Variants in LPCAT3 observed in about 807,000 individuals in gnomAD.
LPCAT3 encodes lysophosphatidylcholine acyltransferase 3.
In LPCAT3, 21 loss-of-function variants were observed where a neutral mutation model predicts 63.4. The observed-to-expected ratio is 0.33, with a 90% CI of 0.23 to 0.48. The LOEUF is 0.48. Ranked by LOEUF, LPCAT3 falls within the 20% of genes least tolerant of loss-of-function variation. LPCAT3 has a pLI of 0.99. For missense variants in LPCAT3, 451 were observed against 590.6 expected, an observed-to-expected ratio of 0.76 and a Z score of 2.45; for synonymous variants, 242 against 227.5, an observed-to-expected ratio of 1.06 and a Z score of -0.58.
chr12:6,977,977 C>CT lies in LPCAT3; in HGVS notation c.1041-233dup, dbSNP rs1452652670. 4 of 575,670 alleles carry CT rather than the reference C, an allele frequency of 6.9e-6. No individual in the cohort carries two copies. The Admixed American group carries it at 1.2e-4, about 18-fold the overall frequency. The allele number at this position is 575,670 out of a possible 1,614,324, so 35.7% of individuals were successfully genotyped here. On this transcript the variant is annotated intron_variant, in intron 9 of 12. Coordinates refer to ENST00000261407, the MANE Select transcript of LPCAT3 (RefSeq NM_005768.6). The surrounding 1 kb of genome is among the most constrained non-coding windows in gnomAD (Gnocchi z 4.5). ...GAGCCACTTGGTTCAGCAGCAGTGA[C>CT]TGAGGCTGATGCTGAGATCAGTGGT...
chr12:6,992,287 GCCC>G (rs1555155569), intron 1 of LPCAT3, among the ~76,000 whole-genome samples: 1 of 151,110 alleles, frequency 6.6e-6, no homozygotes, highest in Non-Finnish European at 1.5e-5. Flanking sequence ...GAGCTGTGAT[GCCC>G]CCACCGCACT....
intron 1 of LPCAT3, among the ~76,000 whole-genome samples, chr12:7,007,493 CTTT>C (rs1161030834): frequency 2.5e-5 from 3 of 121,670 alleles, no homozygotes; most frequent in Non-Finnish European, 1.7e-5. Flanking sequence ...TTGACAAAAG[CTTT>C]TTTTTTTTTT....
chr12:6,977,004 A>T lies in LPCAT3; in HGVS notation c.*13-113T>A. 5.9e-6 allele frequency: 4 copies of T among 674,588 alleles called. No homozygotes were observed. Among genetic ancestry groups the T allele is most frequent in the Non-Finnish European group, 1.1e-5 (4 of 375,350 alleles). 41.8% of individuals were successfully genotyped at this position (674,588 alleles called of 1,614,324 possible). On this transcript the variant is annotated intron_variant, in intron 12 of 12. Transcript: ENST00000261407. The surrounding 1 kb of genome is among the most constrained non-coding windows in gnomAD (Gnocchi z 4.5). ...CAATAAGTCACAGTAGTCATTGCCC[A>T]TACTGTGTTCCTTAGTAGCCAGGCT...
At chr12:7,012,215 C>A (rs1946768105) in intron 1 of LPCAT3, among the ~76,000 whole-genome samples, 1 of 152,200 alleles carries the variant, frequency 6.6e-6, no homozygotes, top group Non-Finnish European at 1.5e-5. Context: ...CCAGCTCTAG[C>A]TTTGGACACT....
Position 7,015,442 on chromosome 12 carries a change from C to T in LPCAT3, c.151+2832G>A, listed in dbSNP as rs115251512. Among the ~76,000 whole-genome samples the T allele has an allele frequency of 1.7e-3, 263 of 152,328 alleles. 2 individuals carry two copies. The highest frequency in any genetic ancestry group is 6.1e-3 in the African/African-American group (252 of 41,578). On this transcript the variant is annotated intron_variant, in intron 1 of 12. Transcript: ENST00000261407. ...CAGGAACTCCACTGCTGAAAGGCTA[C>T]TGGTTTCTAGGTTACAATACACAGA... is the stretch of plus-strand genomic sequence containing the variant.
At chr12:7,001,661 C>T (rs1193133450) in intron 1 of LPCAT3, among the ~76,000 whole-genome samples, 2 of 152,008 alleles carry the variant, frequency 1.3e-5, no homozygotes, top group Non-Finnish European at 2.9e-5. Context: ...GGTGGTACTT[C>T]GGAAACAAAC....
chr12:7,012,491 G>A (rs1946769862), intron 1 of LPCAT3, among the ~76,000 whole-genome samples: 1 of 152,152 alleles, frequency 6.6e-6, no homozygotes, highest in Non-Finnish European at 1.5e-5. Context: ...ACTGCCTGTT[G>A]ACCATTTAGG....
Position 6,977,386 on chromosome 12 carries a change from G to A in LPCAT3, c.1328C>T (p.Thr443Met), listed in dbSNP as rs782702564. 2.5e-6 allele frequency: 4 copies of A among 1,614,076 alleles called. No homozygotes were observed. The highest frequency in any genetic ancestry group is 2.5e-6 in the Non-Finnish European group (3 of 1,180,050). ...GYSMTAFCLF[T>M]WDKWLKVYKS... ...ACTTGCCTTAAGCCATTTGTCCCAC[G>A]TGAAGAGGCAGAAGGCAGTCATGGA... The change falls in exon 11 of 13, where the codon ACG (threonine) becomes ATG (methionine). Residue 443 changes from threonine to methionine, a missense_variant. This residue lies in a region of LPCAT3 where 304 missense variants were observed against 390.8 expected (regional missense o/e 0.78). Coordinates refer to ENST00000261407, the MANE Select transcript of LPCAT3 (RefSeq NM_005768.6). This position sits in a 1 kb window ranked among gnomAD's most constrained non-coding sequence, Gnocchi z 4.5.
intron 1 of LPCAT3, among the ~76,000 whole-genome samples, chr12:7,014,964 G>C (rs1297336700): frequency 4.6e-5 from 7 of 150,664 alleles, no homozygotes; most frequent in Non-Finnish European, 1.0e-4. Context: ...TCATTAACAA[G>C]TCATGAAATC....
rs782740838 is a variant in LPCAT3, at chr12:7,018,468, C to T, written c.-44G>A. ...ACAGGGACCCCCCAGCTCCGCGCGC[C>T]CCGAATGCGGGCAAAACGCTATCGC... On this transcript the variant is annotated 5_prime_UTR_variant, in exon 1 of 13. Transcript: ENST00000261407. This position sits in a 1 kb window ranked among gnomAD's most constrained non-coding sequence, Gnocchi z 4.9. 2 of 1,507,986 alleles carry T rather than the reference C, an allele frequency of 1.3e-6. No homozygotes were observed. The highest frequency in any genetic ancestry group is 2.5e-5 in the South Asian group (2 of 79,174). 93.4% of individuals were successfully genotyped at this position (1,507,986 alleles called of 1,614,324 possible). A position where few individuals can be genotyped will look rare whatever the true frequency, so the allele number is the denominator to read the frequency against.
Position 6,979,500 on chromosome 12 carries a change from C to G in LPCAT3, c.757G>C (p.Glu253Gln), listed in dbSNP as rs1467877. 1 of 1,613,904 alleles carries G rather than the reference C, an allele frequency of 6.2e-7. No individual in the cohort carries two copies. Among genetic ancestry groups the G allele is most frequent in the African/African-American group, 1.3e-5 (1 of 75,036 alleles). ...GYTLLSPHIT[E>Q]DYLLTEDYDN... Reference sequence around the variant, plus strand: ...TAGTCTTCAGTGAGGAGATAGTCTTCTGTGATGTGGGGGCTGAGCAGTGTG... The same window carrying G: ...TAGTCTTCAGTGAGGAGATAGTCTTGTGTGATGTGGGGGCTGAGCAGTGTG... The change falls in exon 7 of 13, where the codon GAA (glutamate) becomes CAA (glutamine). Residue 253 changes from glutamate (E) to glutamine (Q), a missense_variant. Coordinates refer to ENST00000261407, the MANE Select transcript of LPCAT3 (RefSeq NM_005768.6).
In LPCAT3 at chr12:6,978,234, C is replaced by T. The variant is rs1170500689; in HGVS notation, c.1040+107G>A. On this transcript the variant is annotated intron_variant, in intron 9 of 12. Coordinates refer to ENST00000261407, the MANE Select transcript of LPCAT3 (RefSeq NM_005768.6). ...CAGTGTGAGCGACAGGGGGTTCTGC[C>T]CAGATGGGAAAGACGCATAGGGGTG... 12 of 1,346,962 alleles carry T rather than the reference C, an allele frequency of 8.9e-6. No individual in the cohort carries two copies. The Admixed American group carries it at 2.8e-4, about 31-fold the overall frequency. The allele number at this position is 1,346,962 out of a possible 1,614,324, so 83.4% of individuals were successfully genotyped here.
At chr12:6,978,269 AC>A (rs1180564190) in intron 9 of LPCAT3, 71 bp downstream of exon 9, 1 of 1,518,668 alleles carries the variant, frequency 6.6e-7, no homozygotes, top group Admixed American at 2.0e-5. Flanking sequence ...GACATGGTAC[AC>A]CCCTGCCCTC....
Position 6,977,943 on chromosome 12 carries a change from T to G in LPCAT3, c.1041-198A>C. On this transcript the variant is annotated intron_variant, in intron 9 of 12. Coordinates refer to ENST00000261407, the MANE Select transcript of LPCAT3 (RefSeq NM_005768.6). This position sits in a 1 kb window ranked among gnomAD's most constrained non-coding sequence, Gnocchi z 4.5. ...AGACCCAAGGCGGAGCTGGAGACCG[T>G]GTGCGCACGAGCCACTTGGTTCAGC... is the stretch of plus-strand genomic sequence containing the variant. 1.6e-6 allele frequency: 1 copy of G among 619,838 alleles called. No homozygotes were observed. Among genetic ancestry groups the G allele is most frequent in the Non-Finnish European group, 2.8e-6 (1 of 360,486 alleles). The allele number at this position is 619,838 out of a possible 1,614,324, so 38.4% of individuals were successfully genotyped here.
chr12:7,003,688 C>T (rs966300535), intron 1 of LPCAT3, among the ~76,000 whole-genome samples: 6 of 150,830 alleles, frequency 4.0e-5, no homozygotes, highest in East Asian at 3.9e-4. Flanking sequence ...TTTGGGAGGC[C>T]GAGGCGGGTG....
rs1946801359 is a variant in LPCAT3 at position 7,017,024 on chromosome 12, C to A, written c.151+1250G>T. On this transcript the variant is annotated intron_variant, in intron 1 of 12. Transcript: ENST00000261407. This position sits in a 1 kb window ranked among gnomAD's most constrained non-coding sequence, Gnocchi z 4.1. The stretch of plus-strand genomic sequence containing the variant: ...TCCCATTATCTAGATTGGGTTAACA[C>A]CCTCTGGTGATATTATATATCAGTG... Among the ~76,000 whole-genome samples the A allele has an allele frequency of 6.6e-6, 1 of 152,124 alleles. No individual in the cohort carries two copies. The highest frequency in any genetic ancestry group is 6.6e-5 in the Admixed American group (1 of 15,264).
Position 6,978,765 on chromosome 12 carries a change from A to G in LPCAT3, c.787-76T>C, listed in dbSNP as rs1477977807. 5.1e-6 allele frequency: 8 copies of G among 1,577,154 alleles called. No homozygotes were observed. The South Asian group carries it at 5.9e-5, about 12-fold the overall frequency. ...TTCTCTCAGCACTCTTCCTTTTCAC[A>G]CTTGTGGCTGGCTACTTCATACCTG... is the stretch of plus-strand genomic sequence containing the variant. On this transcript the variant is annotated intron_variant, in intron 7 of 12. Transcript: ENST00000261407.
At chr12:6,982,420 C>G (rs782709393) in intron 3 of LPCAT3, among the ~76,000 whole-genome samples, 4 of 152,136 alleles carry the variant, frequency 2.6e-5, no homozygotes, top group Admixed American at 6.5e-5. Flanking sequence ...GTGGGTTAAA[C>G]CAAAGAGCCT....
chr12:6,985,975 A>G (rs1946521768), intron 1 of LPCAT3, among the ~76,000 whole-genome samples: 1 of 151,844 alleles, frequency 6.6e-6, no homozygotes, highest in African/African-American at 2.4e-5. Context: ...GTATTTCACC[A>G]TGTTGGCCAG....
Sources: allele counts gnomAD v4.1 joint callset (sites outside exome capture counted in the v4.1 genomes callset), GRCh38; gene constraint gnomAD v4.1.1; regional missense constraint gnomAD v4.1.1; non-coding constraint Gnocchi (gnomAD v3.1); transcripts MANE v1.5; gene names NCBI Gene and HGNC (gene_info 2026-07-23, HGNC 2026-07-21).